The following IL31RA variants were observed in gnomAD, a reference collection of about 807,000 sequenced individuals.
IL31RA encodes the protein interleukin-31 receptor subunit alpha.
IL31RA carries 66 observed loss-of-function variants against 83.7 expected under a neutral mutation model. The observed-to-expected ratio is 0.79, with a 90% CI of 0.65 to 0.97. The LOEUF (loss-of-function observed/expected upper bound fraction) is 0.97. Among genes scored for constraint, IL31RA ranks in the 50% least tolerant of loss-of-function variants. IL31RA has a pLI of 0.00. For synonymous variants in IL31RA, 325 were observed against 329.0 expected, an observed-to-expected ratio of 0.99 and a Z score of 0.13; for missense variants, 798 against 919.4, an observed-to-expected ratio of 0.87 and a Z score of 1.71.
the IL31RA span, chr5:55,839,795 A>G: frequency 1.3e-6 from 1 of 769,628 alleles, no homozygotes; most frequent in Admixed American, 1.7e-5. Context: ...ACTGTGTCCC[A>G]TAGTTTCTCT....
At chr5:55,864,637 GC>G (rs368018312) in intron 2 of IL31RA, among the ~76,000 whole-genome samples, 337 of 141,866 alleles carry the variant, frequency 2.4e-3, no homozygotes, top group African/African-American at 8.2e-3. Context: ...CAGACCACAC[GC>G]ACACACCAAC....
chr5:55,887,908 G>A (rs1409281009), intron 5 of IL31RA, among the ~76,000 whole-genome samples: 3 of 151,398 alleles, frequency 2.0e-5, no homozygotes, highest in Admixed American at 6.6e-5. Flanking sequence ...AAATTAGCCC[G>A]GCGTGGTGGT....
intron 4 of IL31RA, among the ~76,000 whole-genome samples, chr5:55,874,717 G>A (rs987402274): frequency 1.3e-5 from 2 of 151,986 alleles, no homozygotes; most frequent in East Asian, 1.9e-4. Flanking sequence ...TTTGTATATC[G>A]ATTTGGTAAT....
chr5:55,915,240 G>T (rs1749720501), intron 14 of IL31RA, among the ~76,000 whole-genome samples: 1 of 152,182 alleles, frequency 6.6e-6, no homozygotes, highest in African/African-American at 2.4e-5. Flanking sequence ...GACCTGATGG[G>T]CTAATTAGAG....
rs192426406 is a variant in IL31RA at position 55,915,256 on chromosome 5, G to A, written c.1818+328G>A. The stretch of plus-strand genomic sequence containing the variant: ...ACCTGATGGGCTAATTAGAGAGAGA[G>A]GAGCCTTGGCTATAGGATTTGAAGC... On this transcript the variant is annotated intron_variant, in intron 14 of 14. Transcript: ENST00000652347. 2.3e-3 allele frequency among the ~76,000 whole-genome samples: 348 copies of A among 152,310 alleles called. 1 individual carries two copies. The highest frequency in any genetic ancestry group is 7.5e-3 in the African/African-American group (313 of 41,558).
chr5:55,880,573 G>A (rs1747147222), intron 4 of IL31RA, among the ~76,000 whole-genome samples: 2 of 152,310 alleles, frequency 1.3e-5, no homozygotes, highest in African/African-American at 2.4e-5. Flanking sequence ...TTCATACAAT[G>A]TTGATGGAAA....
At chr5:55,888,041 G>GA (rs111442550) in intron 5 of IL31RA, among the ~76,000 whole-genome samples, 12,003 of 136,978 alleles carry the variant, frequency 0.088, 861 homozygotes, top group African/African-American at 0.21. Context: ...CAGAGTCAGG[G>GA]AAAAAAAAAA....
Position 55,919,165 on chromosome 5 carries a change from A to G in IL31RA, c.*2045A>G, listed in dbSNP as rs1749966787. On this transcript the variant is annotated 3_prime_UTR_variant, in exon 15 of 15. Transcript: ENST00000652347. ...CCTTGCCTCCTGTCTTGGCCCGAGG[A>G]TGGGGGAGGGCACGGGTACCCCCAC... Among the ~76,000 whole-genome samples the G allele has an allele frequency of 6.6e-6, 1 of 152,022 alleles. No individual in the cohort carries two copies. The highest frequency in any genetic ancestry group is 2.4e-5 in the African/African-American group (1 of 41,390).
chr5:55,854,681 G>C (rs1441835701), intron 1 of IL31RA, among the ~76,000 whole-genome samples: 1 of 150,864 alleles, frequency 6.6e-6, no homozygotes, highest in Non-Finnish European at 1.5e-5. Flanking sequence ...CGAGGCAGAG[G>C]TTGCAGTGAA....
Position 55,851,590 on chromosome 5 carries a change from A to G in IL31RA, c.20A>G (p.Lys7Arg), listed in dbSNP as rs202246469. ...CTGGGAATGTGCATCAGGCAACTCAAGTTTTTCACCACGGCATGTGTCTGT... is the reference window on the plus strand; with the variant it reads ...CTGGGAATGTGCATCAGGCAACTCAGGTTTTTCACCACGGCATGTGTCTGT... The part of the protein sequence containing the change: MCIRQL[K>R]FFTTACVCEC... The change falls in exon 1 of 15, where the codon AAG becomes AGG. Residue 7 changes from lysine to arginine, a missense_variant. Transcript: ENST00000652347. 6 of 1,613,990 alleles carry G rather than the reference A, an allele frequency of 3.7e-6. No homozygotes were observed. Among genetic ancestry groups the G allele is most frequent in the Non-Finnish European group, 5.1e-6 (6 of 1,179,904 alleles).
chr5:55,912,568 A>G (rs1441063561), intron 12 of IL31RA, among the ~76,000 whole-genome samples: 1 of 152,204 alleles, frequency 6.6e-6, no homozygotes, highest in Non-Finnish European at 1.5e-5. Context: ...AGGCCAAGGC[A>G]GGAGGATCAC....
chr5:55,904,237 G>T (rs551465979), intron 8 of IL31RA, among the ~76,000 whole-genome samples: 10 of 152,316 alleles, frequency 6.6e-5, no homozygotes, highest in Admixed American at 1.3e-4. Context: ...GCCCCAGGGA[G>T]GGGGGTTCCC....
chr5:55,853,289 G>T (rs1310618296), intron 1 of IL31RA: 10 of 1,200,008 alleles, frequency 8.3e-6, no homozygotes, highest in Non-Finnish European at 1.0e-5. Context: ...TTTTTGTAGA[G>T]TTGAGTGTTT....
chr5:55,871,581 A>G (rs962186481), intron 3 of IL31RA, among the ~76,000 whole-genome samples: 1 of 152,214 alleles, frequency 6.6e-6, no homozygotes, highest in Non-Finnish European at 1.5e-5. Context: ...TGAAAACAAT[A>G]TATACCAATG....
At chr5:55,899,843 A>G in intron 7 of IL31RA, 73 bp from the exon 8 acceptor site, 1 of 1,030,042 alleles carries the variant, frequency 9.7e-7, no homozygotes, top group Non-Finnish European at 1.5e-6. Flanking sequence ...CCTCACCCCC[A>G]CCGCTTCTCA....
chr5:55,843,923 G>A, the IL31RA span, among the ~76,000 whole-genome samples: 1 of 152,016 alleles, frequency 6.6e-6, no homozygotes, highest in Non-Finnish European at 1.5e-5. Context: ...TCTTCCTTCT[G>A]CAGCTTTCTT....
rs1459530156 is a variant in IL31RA at position 55,918,757 on chromosome 5, C to T, written c.*1637C>T. Among the ~76,000 whole-genome samples, 1 of 152,118 alleles carries T rather than the reference C, an allele frequency of 6.6e-6. No homozygotes were observed. Among genetic ancestry groups the T allele is most frequent in the East Asian group, 1.9e-4 (1 of 5,172 alleles). On this transcript the variant is annotated 3_prime_UTR_variant, in exon 15 of 15. Coordinates refer to ENST00000652347, the MANE Select transcript of IL31RA (RefSeq NM_139017.7). ...GCACAGGAAGGTGTGGCTGCTCTCT[C>T]AAAGCTCTGTCCTCCTAACATCTCC...
At position 55,908,845 on chromosome 5, in the gene IL31RA, G is replaced by A. The variant is rs892672424; in HGVS notation, c.1501+434G>A. 48 of 1,350,274 alleles carry A rather than the reference G, an allele frequency of 3.6e-5. No homozygotes were observed. The East Asian group carries it at 1.2e-3, about 35-fold the overall frequency. 83.6% of individuals were successfully genotyped at this position (1,350,274 alleles called of 1,614,324 possible). A position where few individuals can be genotyped will look rare whatever the true frequency, so the allele number is the denominator to read the frequency against. Reference sequence around the variant, plus strand: ...TCCTGACATCTTAAATACTGGGCAAGGCTTGGATTCTTGCTTAGGCTAAAT... The same window carrying A: ...TCCTGACATCTTAAATACTGGGCAAAGCTTGGATTCTTGCTTAGGCTAAAT... On this transcript the variant is annotated intron_variant, in intron 11 of 14. Coordinates refer to ENST00000652347, the MANE Select transcript of IL31RA (RefSeq NM_139017.7).
At chr5:55,861,125 A>C (rs1402692375) in intron 2 of IL31RA, among the ~76,000 whole-genome samples, 1 of 152,196 alleles carries the variant, frequency 6.6e-6, no homozygotes, top group Non-Finnish European at 1.5e-5. Context: ...CATTATGTGA[A>C]TTTTGGAGAG....
Sources: gnomAD v4.1 joint callset for allele counts (sites outside exome capture counted in the v4.1 genomes callset) on GRCh38, gnomAD v4.1.1 for gene constraint, MANE v1.5 for transcripts, NCBI Gene and HGNC (gene_info 2026-07-23, HGNC 2026-07-21) for gene names.